Variants in CTNNA3 observed in about 807,000 individuals in gnomAD.
CTNNA3 encodes the protein catenin alpha 3.
A neutral mutation model predicts 95.7 loss-of-function variants in CTNNA3; 76 were observed. The ratio of observed to expected loss-of-function variants is 0.79; its 90% CI spans 0.66 to 0.96. The LOEUF (loss-of-function observed/expected upper bound fraction) is 0.96. Ranked by LOEUF, CTNNA3 falls within the 40% of genes least tolerant of loss-of-function variation. The pLI, the probability that CTNNA3 is intolerant of heterozygous loss-of-function variation, is 0.00. For missense variants in CTNNA3, 1,191 were observed against 1,089.8 expected, an observed-to-expected ratio of 1.09 and a Z score of -1.31; for synonymous variants, 431 against 374.4, an observed-to-expected ratio of 1.15 and a Z score of -1.74.
intron 7 of CTNNA3, among the ~76,000 whole-genome samples, chr10:66,876,003 G>A (rs1254225427): frequency 6.6e-6 from 1 of 152,130 alleles, no homozygotes; most frequent in African/African-American, 2.4e-5. Context: ...GCAGGCCCAA[G>A]ACTTGTTTAA....
intron 5 of CTNNA3, among the ~76,000 whole-genome samples, chr10:67,420,344 A>G (rs979282625): frequency 1.3e-5 from 2 of 152,222 alleles, no homozygotes; most frequent in Non-Finnish European, 2.9e-5. Flanking sequence ...TTTAACATAT[A>G]GTACAAAAAC....
At chr10:66,314,323 TC>T (rs1371985848) in intron 12 of CTNNA3, among the ~76,000 whole-genome samples, 1 of 152,220 alleles carries the variant, frequency 6.6e-6, no homozygotes, top group Non-Finnish European at 1.5e-5. Context: ...GCCAAATGTA[TC>T]TTTTTTTAAA....
chr10:66,703,311 C>G (rs1244888171), intron 9 of CTNNA3, among the ~76,000 whole-genome samples: 1 of 152,184 alleles, frequency 6.6e-6, no homozygotes, highest in Non-Finnish European at 1.5e-5. Context: ...ACCCACACCT[C>G]TCTTCACTGG....
chr10:66,186,164 A>G (rs1357585054), intron 13 of CTNNA3, among the ~76,000 whole-genome samples: 1 of 152,076 alleles, frequency 6.6e-6, no homozygotes, highest in African/African-American at 2.4e-5. Context: ...GTTTGAGGCA[A>G]TGGATATGCT....
intron 5 of CTNNA3, among the ~76,000 whole-genome samples, chr10:67,442,610 A>C (rs1465535653): frequency 6.6e-6 from 1 of 152,116 alleles, no homozygotes; most frequent in Non-Finnish European, 1.5e-5. Context: ...CTGTACAAAG[A>C]GACAAAAAAA....
intron 12 of CTNNA3, among the ~76,000 whole-genome samples, chr10:66,325,666 C>T (rs1483881469): frequency 6.6e-6 from 1 of 152,130 alleles, no homozygotes; most frequent in Non-Finnish European, 1.5e-5. Flanking sequence ...GCAGCTCTAA[C>T]CAAGTCATAA....
chr10:66,705,345 G>T (rs1204575501), intron 9 of CTNNA3, among the ~76,000 whole-genome samples: 1 of 151,914 alleles, frequency 6.6e-6, no homozygotes, highest in Non-Finnish European at 1.5e-5. Flanking sequence ...TTTGGTTTTA[G>T]CATCAGGATA....
intron 2 of CTNNA3, among the ~76,000 whole-genome samples, chr10:67,642,139 G>A (rs906506951): frequency 6.6e-6 from 1 of 152,158 alleles, no homozygotes; most frequent in Non-Finnish European, 1.5e-5. Flanking sequence ...AAGATTTCAT[G>A]ATGAAAATGC....
chr10:65,966,858 T>G, intron 16 of CTNNA3, 112 bp from the exon 17 acceptor site: 1 of 723,992 alleles, frequency 1.4e-6, no homozygotes. Context: ...GCAATTTTAT[T>G]TTCATACAGG....
At chr10:66,267,473 T>A (rs2091184570) in intron 13 of CTNNA3, among the ~76,000 whole-genome samples, 1 of 152,180 alleles carries the variant, frequency 6.6e-6, no homozygotes, top group Non-Finnish European at 1.5e-5. Context: ...TGATTCCATG[T>A]GCTTCCATTA....
chr10:66,591,823 C>A (rs373135696), intron 10 of CTNNA3, among the ~76,000 whole-genome samples: 1 of 151,956 alleles, frequency 6.6e-6, no homozygotes, highest in African/African-American at 2.4e-5. Flanking sequence ...TAAGCATTGG[C>A]GAGTTAATAA....
chr10:67,761,256 T>C (rs1326708214), intron 1 of CTNNA3, among the ~76,000 whole-genome samples: 1 of 152,226 alleles, frequency 6.6e-6, no homozygotes, highest in African/African-American at 2.4e-5. Flanking sequence ...CACATGACTG[T>C]AATTAGCTAT....
At chr10:66,501,806 A>T (rs928989900) in intron 11 of CTNNA3, among the ~76,000 whole-genome samples, 1 of 152,162 alleles carries the variant, frequency 6.6e-6, no homozygotes, top group Admixed American at 6.5e-5. Flanking sequence ...ATAGATGGAA[A>T]ATGTCTGTCA....
intron 7 of CTNNA3, among the ~76,000 whole-genome samples, chr10:67,149,287 A>T (rs978330070): frequency 6.6e-6 from 1 of 152,252 alleles, no homozygotes; most frequent in Admixed American, 6.5e-5. Flanking sequence ...GGACAGTTTG[A>T]GCAGAAAGTC....
chr10:65,948,052 C>T lies in CTNNA3; in HGVS notation c.2400+18560G>A, dbSNP rs553789357. On this transcript the variant is annotated intron_variant, in intron 17 of 17. Coordinates refer to ENST00000433211, the MANE Select transcript of CTNNA3 (RefSeq NM_013266.4). ...CAGCACTTTGGGAGGCCAAGGTGGG[C>T]GGATCACGAGGTCAGGAGATCGAGA... Among the ~76,000 whole-genome samples, 18 of 152,120 alleles carry T rather than the reference C, an allele frequency of 1.2e-4. No homozygotes were observed. The South Asian group carries it at 1.2e-3, about 11-fold the overall frequency.
chr10:67,615,621 A>G (rs1843625771), intron 2 of CTNNA3, among the ~76,000 whole-genome samples: 1 of 151,860 alleles, frequency 6.6e-6, no homozygotes, highest in Non-Finnish European at 1.5e-5. Context: ...GAATAAACAA[A>G]TACATAAGTA....
At chr10:66,361,995 GA>G (rs2092679662) in intron 12 of CTNNA3, among the ~76,000 whole-genome samples, 1 of 151,376 alleles carries the variant, frequency 6.6e-6, no homozygotes, top group South Asian at 2.1e-4. Context: ...TGTAATATCA[GA>G]AAAGATCTGT....
At chr10:66,123,251 G>C (rs377404186) in intron 13 of CTNNA3, among the ~76,000 whole-genome samples, 1 of 152,132 alleles carries the variant, frequency 6.6e-6, no homozygotes, top group African/African-American at 2.4e-5. Context: ...TGGCCAAAAC[G>C]AAGGGGCTAC....
chr10:67,401,011 C>T (rs1349615465), intron 5 of CTNNA3, among the ~76,000 whole-genome samples: 2 of 152,112 alleles, frequency 1.3e-5, no homozygotes, highest in Non-Finnish European at 2.9e-5. Context: ...TTCATATAGG[C>T]TATTCCTAGG....
Sources: gnomAD v4.1 joint callset for allele counts (sites outside exome capture counted in the v4.1 genomes callset) on GRCh38, gnomAD v4.1.1 for gene constraint, MANE v1.5 for transcripts, NCBI Gene and HGNC (gene_info 2026-07-23, HGNC 2026-07-21) for gene names.